SYAP1: variants seen among roughly 807,000 people sequenced by gnomAD.
SYAP1 encodes the protein synapse associated protein 1, also known as synapse-associated protein 1.
SYAP1 carries 3 observed loss-of-function variants against 29.6 expected under a neutral mutation model. The observed-to-expected ratio is 0.10, with a 90% CI of 0.05 to 0.26. The LOEUF is 0.26. Among genes scored for constraint, SYAP1 ranks in the 10% least tolerant of loss-of-function variants. The pLI, the probability that SYAP1 is intolerant of heterozygous loss-of-function variation, is 1.00. For missense variants in SYAP1, 217 were observed against 264.1 expected, an observed-to-expected ratio of 0.82 and a Z score of 1.24; for synonymous variants, 102 against 102.7, an observed-to-expected ratio of 0.99 and a Z score of 0.04.
chrX:16,719,630 C>G lies in SYAP1; in HGVS notation c.-95C>G. ...CTGCGGTGTTCCTCCGACTTCCGGA[C>G]ATCTCCCTGGGAGTCGCGCAGAGTG... On this transcript the variant is annotated 5_prime_UTR_variant, in exon 1 of 9. Transcript: ENST00000380155. The G allele has an allele frequency of 9.9e-7, 1 of 1,012,432 alleles. No individual in the cohort carries two copies. The highest frequency in any genetic ancestry group is 1.3e-6 in the Non-Finnish European group (1 of 768,720). The allele number at this position is 1,012,432 out of a possible 1,213,427, so 83.4% of individuals were successfully genotyped here.
chrX:16,722,410 C>T (rs937464700), intron 1 of SYAP1, among the ~76,000 whole-genome samples: 36 of 109,877 alleles, frequency 3.3e-4, no homozygotes, highest in African/African-American at 1.2e-3. Context: ...CGCCTATAAT[C>T]CCAGCTACTC....
At position 16,760,943 on chromosome X, in the gene SYAP1, A is replaced by C. The variant is rs1328966053; in HGVS notation, c.*584A>C. 8.9e-6 allele frequency: 1 copy of C among 111,819 alleles called. No individual in the cohort carries two copies. The highest frequency in any genetic ancestry group is 1.9e-5 in the Non-Finnish European group (1 of 53,188). 9.2% of individuals were successfully genotyped at this position (111,819 alleles called of 1,213,427 possible). ...AATTTTACATTAAGAAATACTGTGC[A>C]GGCCATGCGTGGTGGCTCAGGCCTG... On this transcript the variant is annotated 3_prime_UTR_variant, in exon 9 of 9. Transcript: ENST00000380155.
intron 5 of SYAP1, among the ~76,000 whole-genome samples, chrX:16,749,673 T>C (rs766928073): frequency 9.0e-6 from 1 of 110,678 alleles, no homozygotes; most frequent in South Asian, 3.9e-4. Context: ...CCCAGCACTT[T>C]GGGAAGCTGA....
At chrX:16,736,963 G>A (rs1355215538) in intron 3 of SYAP1, among the ~76,000 whole-genome samples, 6 of 111,894 alleles carry the variant, frequency 5.4e-5, no homozygotes, top group South Asian at 7.4e-4. Context: ...ACAGAGGGCC[G>A]TAAAGAGTCT....
chrX:16,739,748 T>C (rs1926415334), intron 3 of SYAP1, among the ~76,000 whole-genome samples: 1 of 111,732 alleles, frequency 8.9e-6, no homozygotes, highest in Non-Finnish European at 1.9e-5. Context: ...GTCACTTTAC[T>C]TTGACTTTGT....
chrX:16,739,335 GTGATA>G (rs1425817086), intron 3 of SYAP1, among the ~76,000 whole-genome samples: 4 of 110,502 alleles, frequency 3.6e-5, no homozygotes, highest in Non-Finnish European at 7.6e-5. Flanking sequence ...CAGTGGGCTC[GTGATA>G]TGATATGTCT....
rs1260604004 is a variant in SYAP1, at chrX:16,761,071, C to A, written c.*712C>A. ...TGAAACCCTGTCTCTACTAAAAATACAAAAATTAGCCGGGCATGGTGGCAG... is the reference window on the plus strand; with the variant it reads ...TGAAACCCTGTCTCTACTAAAAATAAAAAAATTAGCCGGGCATGGTGGCAG... On this transcript the variant is annotated 3_prime_UTR_variant, in exon 9 of 9. Coordinates refer to ENST00000380155, the MANE Select transcript of SYAP1 (RefSeq NM_032796.4). The A allele has an allele frequency of 9.2e-6, 1 of 109,220 alleles. No homozygotes were observed. Among genetic ancestry groups the A allele is most frequent in the African/African-American group, 3.3e-5 (1 of 30,032 alleles). The allele number at this position is 109,220 out of a possible 1,213,427, so 9.0% of individuals were successfully genotyped here.
intron 5 of SYAP1, among the ~76,000 whole-genome samples, 175 bp downstream of exon 5, chrX:16,744,015 G>A (rs138688354): frequency 1.8e-4 from 20 of 111,927 alleles, no homozygotes; most frequent in Admixed American, 4.8e-4. Context: ...GTCTGACTTG[G>A]CAGGAAATAC....
In SYAP1 at chrX:16,760,404, A is replaced by T; in HGVS notation, c.*45A>T. 9.3e-7 allele frequency: 1 copy of T among 1,080,290 alleles called. No homozygotes were observed. Among genetic ancestry groups the T allele is most frequent in the Non-Finnish European group, 1.2e-6 (1 of 820,827 alleles). 89.0% of individuals were successfully genotyped at this position (1,080,290 alleles called of 1,213,427 possible). Reference sequence around the variant, plus strand: ...ATAATCCTTAACAGTCTGCAAACTGACATTAAATTCTAGATGTTGACAATT... The same window carrying T: ...ATAATCCTTAACAGTCTGCAAACTGTCATTAAATTCTAGATGTTGACAATT... On this transcript the variant is annotated 3_prime_UTR_variant, in exon 9 of 9. Coordinates refer to ENST00000380155, the MANE Select transcript of SYAP1 (RefSeq NM_032796.4).
At chrX:16,727,354 T>G (rs1482164393) in intron 1 of SYAP1, among the ~76,000 whole-genome samples, 1 of 105,107 alleles carries the variant, frequency 9.5e-6, no homozygotes, top group Non-Finnish European at 2.0e-5. Context: ...TTTTTTTTTT[T>G]TTTTTTGAGA....
intron 3 of SYAP1, among the ~76,000 whole-genome samples, chrX:16,738,804 A>G (rs1602326367): frequency 8.9e-6 from 1 of 112,396 alleles, no homozygotes; most frequent in Middle Eastern, 4.6e-3. Context: ...CAAGAGGTCC[A>G]CTTACAATGA....
At chrX:16,737,433 A>G (rs1926355150) in intron 3 of SYAP1, among the ~76,000 whole-genome samples, 1 of 111,978 alleles carries the variant, frequency 8.9e-6, no homozygotes, top group African/African-American at 3.2e-5. Flanking sequence ...GCCACAGTTA[A>G]TCCCATGGTG....
chrX:16,734,774 T>C (rs1926286936), intron 1 of SYAP1, among the ~76,000 whole-genome samples: 1 of 110,060 alleles, frequency 9.1e-6, no homozygotes, highest in Non-Finnish European at 1.9e-5. Context: ...GGCAGGCAGA[T>C]CATTCGAGGC....
intron 3 of SYAP1, among the ~76,000 whole-genome samples, chrX:16,739,570 G>A (rs774530755): frequency 8.2e-4 from 81 of 98,469 alleles, no homozygotes; most frequent in Middle Eastern, 6.2e-3. Context: ...TCTGCCCCCC[G>A]GGTTCAAGCA....
chrX:16,748,857 C>T (rs1357185884), intron 5 of SYAP1, among the ~76,000 whole-genome samples: 4 of 108,333 alleles, frequency 3.7e-5, no homozygotes, highest in East Asian at 5.8e-4. Flanking sequence ...CGGGTTCTAG[C>T]GATTCTCCTG....
intron 6 of SYAP1, 61 bp downstream of exon 6, chrX:16,755,154 G>A: frequency 9.1e-7 from 1 of 1,101,581 alleles, no homozygotes; most frequent in South Asian, 1.9e-5. Flanking sequence ...ACTCAAATGA[G>A]CTTGACCTCT....
rs771575806 is a variant in SYAP1 at position 16,761,638 on chromosome X, A to G, written c.*1279A>G. On this transcript the variant is annotated 3_prime_UTR_variant, in exon 9 of 9. Transcript: ENST00000380155. Reference sequence around the variant, plus strand: ...CAGTGAGCTGAGATCACGCCACTGCACTCCAGCCTGGGTGACAGAGTGAGA... The same window carrying G: ...CAGTGAGCTGAGATCACGCCACTGCGCTCCAGCCTGGGTGACAGAGTGAGA... 1.5e-4 allele frequency: 17 copies of G among 110,866 alleles called. No individual in the cohort carries two copies. The highest frequency in any genetic ancestry group is 5.6e-4 in the African/African-American group (17 of 30,462). The allele number at this position is 110,866 out of a possible 1,213,427, so 9.1% of individuals were successfully genotyped here. A position where few individuals can be genotyped will look rare whatever the true frequency, so the allele number is the denominator to read the frequency against.
intron 1 of SYAP1, among the ~76,000 whole-genome samples, chrX:16,726,097 A>G (rs1218469048): frequency 1.8e-5 from 2 of 111,768 alleles, no homozygotes; most frequent in Admixed American, 9.5e-5. Flanking sequence ...TATTTCTGTA[A>G]GTGGCTCCAG....
chrX:16,729,056 A>C (rs1926147119), intron 1 of SYAP1, among the ~76,000 whole-genome samples: 1 of 110,518 alleles, frequency 9.0e-6, no homozygotes, highest in Non-Finnish European at 1.9e-5. Context: ...AAAAAAGAAA[A>C]AAAAAAAGAC....
Sources: allele counts gnomAD v4.1 joint callset (sites outside exome capture counted in the v4.1 genomes callset), GRCh38; gene constraint gnomAD v4.1.1; transcripts MANE v1.5; gene names NCBI Gene and HGNC (gene_info 2026-07-23, HGNC 2026-07-21).